The following SLCO4A1 variants were observed in gnomAD, a reference collection of about 807,000 sequenced individuals.
SLCO4A1 encodes solute carrier organic anion transporter family member 4A1.
In SLCO4A1, 51 loss-of-function variants were observed where a neutral mutation model predicts 64.6. That is an observed-to-expected ratio of 0.79 (90% CI 0.63 to 1.00). The LOEUF (loss-of-function observed/expected upper bound fraction) is 1.00, where lower values mean the gene tolerates loss of function less well. SLCO4A1 is among the 50% of genes least tolerant of loss of function. SLCO4A1 has a pLI of 0.00. For missense variants in SLCO4A1, 919 were observed against 980.5 expected, an observed-to-expected ratio of 0.94 and a Z score of 0.84; for synonymous variants, 471 against 444.9, an observed-to-expected ratio of 1.06 and a Z score of -0.74.
Position 62,668,505 on chromosome 20 carries a change from G to A in SLCO4A1, c.1840G>A (p.Ala614Thr), listed in dbSNP as rs1465991940. 2 of 1,613,960 alleles carry A rather than the reference G, an allele frequency of 1.2e-6. No individual in the cohort carries two copies. The highest frequency in any genetic ancestry group is 1.3e-5 in the African/African-American group (1 of 75,030). ...RCVRDPQRSF[A>T]LGIQWIVVRI... ...TGTCCGTGACCCTCAGAGATCCTTT[G>A]CCCTGGGAATCCAGTGGATTGTAGT... is the stretch of plus-strand genomic sequence containing the variant. The change falls in exon 10 of 12, where the codon GCC becomes ACC. Residue 614 changes from alanine (A) to threonine (T), a missense_variant. Transcript: ENST00000217159.
chr20:62,648,231 G>A (rs180965409), intron 1 of SLCO4A1, among the ~76,000 whole-genome samples: 3 of 152,396 alleles, frequency 2.0e-5, no homozygotes, highest in Non-Finnish European at 4.4e-5. Context: ...AGCTCCCAGG[G>A]AAAGGGCAGC....
At chr20:62,653,464 A>T (rs1982999173) in intron 1 of SLCO4A1, among the ~76,000 whole-genome samples, 1 of 152,190 alleles carries the variant, frequency 6.6e-6, no homozygotes, top group Admixed American at 6.5e-5. Flanking sequence ...AAACAAAACA[A>T]AAAAAGCCAG....
rs147196489 is a variant in SLCO4A1 at position 62,668,024 on chromosome 20, T to C, written c.1651T>C (p.Cys551Arg). Residue 551 changes from cysteine to arginine, a missense_variant, in exon 9 of 12, where the codon TGT becomes CGT. Physicochemically the swap from Cys to Arg is radical, Grantham distance 180. Transcript: ENST00000217159. ...NVDGQKVYRD[C>R]SCIPQNLSSG... is the part of the protein sequence containing the mutation. ...TTGGGCTTCCCAGGTGTACCGAGACTGTAGCTGTATCCCTCAGAATCTTTC... is the reference window on the plus strand; with the variant it reads ...TTGGGCTTCCCAGGTGTACCGAGACCGTAGCTGTATCCCTCAGAATCTTTC... 3.8e-5 allele frequency: 62 copies of C among 1,613,936 alleles called. No individual in the cohort carries two copies. Among genetic ancestry groups the C allele is most frequent in the Non-Finnish European group, 8.5e-6 (10 of 1,180,038 alleles).
chr20:62,672,758 CAT>C (rs1345416219), downstream of SLCO4A1, among the ~76,000 whole-genome samples: 2 of 152,106 alleles, frequency 1.3e-5, no homozygotes, highest in African/African-American at 4.8e-5. Flanking sequence ...TGTGCGGGGT[CAT>C]AAGGGTGGGT....
chr20:62,666,538 G>A lies in SLCO4A1; in HGVS notation c.1435G>A (p.Val479Met), dbSNP rs950382973. 1 of 1,613,142 alleles carries A rather than the reference G, an allele frequency of 6.2e-7. No homozygotes were observed. Among genetic ancestry groups the A allele is most frequent in the Admixed American group, 1.7e-5 (1 of 60,016 alleles). Residue 479 changes from valine (V) to methionine (M), a missense_variant, in exon 7 of 12, where the codon GTG (valine) becomes ATG (methionine). Physicochemically the swap from Val to Met is conservative, Grantham distance 21. Coordinates refer to ENST00000217159, the MANE Select transcript of SLCO4A1 (RefSeq NM_016354.4). ...CGTCTTCTCACTGCACTGCCCCAGT[G>A]TGCCCATGGCGGGCGTCACAGCCAG... ...ILVFSLHCPS[V>M]PMAGVTASYG...
intron 2 of SLCO4A1, among the ~76,000 whole-genome samples, chr20:62,683,318 T>C (rs924116042): frequency 6.6e-6 from 1 of 152,086 alleles, no homozygotes; most frequent in Non-Finnish European, 1.5e-5. Flanking sequence ...GACCCAGCAC[T>C]TCTCCTGCAG....
chr20:62,665,213 T>G, intron 6 of SLCO4A1, 125 bp downstream of exon 6: 1 of 1,115,730 alleles, frequency 9.0e-7, no homozygotes. Flanking sequence ...CCACCCCCGC[T>G]GCCAGAGCAG....
intron 11 of SLCO4A1, among the ~76,000 whole-genome samples, chr20:62,669,579 T>C (rs1435993166): frequency 1.3e-5 from 2 of 152,220 alleles, no homozygotes; most frequent in African/African-American, 4.8e-5. Flanking sequence ...TAACAGAAAC[T>C]TTCTGTTGTG....
intron 2 of SLCO4A1, 42 bp from the exon 3 acceptor site, chr20:62,658,635 G>T: frequency 1.3e-6 from 2 of 1,532,310 alleles, no homozygotes; most frequent in Middle Eastern, 1.7e-4. Context: ...CGCAGCCCCT[G>T]GGTGGTGCAC....
At chr20:62,654,940 C>T (rs1202603793) in intron 1 of SLCO4A1, among the ~76,000 whole-genome samples, 3 of 152,200 alleles carry the variant, frequency 2.0e-5, no homozygotes, top group Non-Finnish European at 4.4e-5. Flanking sequence ...GCCTCCCTCC[C>T]GGGCAGGGGA....
chr20:62,681,409 C>T (rs191999794), intron 2 of SLCO4A1, among the ~76,000 whole-genome samples: 10 of 152,038 alleles, frequency 6.6e-5, no homozygotes, highest in Admixed American at 4.6e-4. Context: ...CACTTGTGTG[C>T]GTGTTTATTA....
downstream of SLCO4A1, among the ~76,000 whole-genome samples, chr20:62,674,504 G>A (rs765777610): frequency 3.7e-4 from 56 of 152,194 alleles, no homozygotes; most frequent in Non-Finnish European, 2.8e-4. Flanking sequence ...AGAGGGAGGC[G>A]GCACACGCGG....
downstream of SLCO4A1, among the ~76,000 whole-genome samples, chr20:62,689,640 C>G (rs1988169100): frequency 1.3e-5 from 2 of 152,316 alleles, no homozygotes; most frequent in Admixed American, 1.3e-4. Flanking sequence ...TTGAGCCCCT[C>G]CTGGGGACCG....
At chr20:62,662,284 CCAT>C (rs1007563094) in intron 5 of SLCO4A1, among the ~76,000 whole-genome samples, 51 of 151,976 alleles carry the variant, frequency 3.4e-4, no homozygotes, top group Non-Finnish European at 6.5e-4. Context: ...GAGGGTGACC[CCAT>C]GGGCCAAGCT....
chr20:62,661,041 C>CCCCCCCCCCCCCCAAAA lies in SLCO4A1; in HGVS notation c.1010-23_1010-22insCCCCCCCCCCCCCAAAA. The CCCCCCCCCCCCCCAAAA allele has an allele frequency of 1.4e-6, 2 of 1,424,138 alleles. No homozygotes were observed. Among genetic ancestry groups the CCCCCCCCCCCCCCAAAA allele is most frequent in the Non-Finnish European group, 2.0e-6 (2 of 1,010,136 alleles). 88.2% of individuals were successfully genotyped at this position (1,424,138 alleles called of 1,614,324 possible). A position where few individuals can be genotyped will look rare whatever the true frequency, so the allele number is the denominator to read the frequency against. On this transcript the variant is annotated intron_variant, in intron 4 of 11. Coordinates refer to ENST00000217159, the MANE Select transcript of SLCO4A1 (RefSeq NM_016354.4). This position sits in a 1 kb window ranked among gnomAD's most constrained non-coding sequence, Gnocchi z 5.2. ...TCCGGGAGCCCCCAGCCCCCAGCCC[C>CCCCCCCCCCCCCCAAAA]AGCTCACTCTGTGCCCTTCCAGGCT...
At chr20:62,647,660 G>A (rs776481278) in intron 1 of SLCO4A1, among the ~76,000 whole-genome samples, 2 of 152,278 alleles carry the variant, frequency 1.3e-5, no homozygotes, top group Non-Finnish European at 2.9e-5. Flanking sequence ...CGCTGAGAGC[G>A]CTTTGCAGGG....
chr20:62,649,662 A>C (rs1982077206), intron 1 of SLCO4A1: 1 of 152,232 alleles, frequency 6.6e-6, no homozygotes, highest in African/African-American at 2.4e-5. Flanking sequence ...TGTCCTTCAC[A>C]GGGGGTGCAG....
intron 2 of SLCO4A1, among the ~76,000 whole-genome samples, chr20:62,683,699 G>A (rs145164697): frequency 1.5e-3 from 224 of 152,290 alleles, no homozygotes; most frequent in African/African-American, 5.3e-3. Flanking sequence ...TTGGAGCAAC[G>A]GGCGACACCA....
rs144715529 is a variant in SLCO4A1 at position 62,678,116 on chromosome 20, G to A, written n.212-7325G>A. 4.4e-3 allele frequency among the ~76,000 whole-genome samples: 672 copies of A among 152,356 alleles called. 12 individuals carry two copies. The highest frequency in any genetic ancestry group is 0.016 in the African/African-American group (651 of 41,572). ...AGACAGGAACAGTAGGTTATGCAGC[G>A]CTGTGGCCTGCAGGGACACAGAGGC... On this transcript the variant is annotated intron_variant and non_coding_transcript_variant, in intron 2 of 2. Coordinates refer to the SLCO4A1 transcript ENST00000466818.
Sources: gnomAD v4.1 joint callset for allele counts (sites outside exome capture counted in the v4.1 genomes callset) on GRCh38, gnomAD v4.1.1 for gene constraint, Gnocchi (gnomAD v3.1) non-coding constraint, MANE v1.5 for transcripts, NCBI Gene and HGNC (gene_info 2026-07-23, HGNC 2026-07-21) for gene names.